The following ADAMTSL2 variants were observed in gnomAD, a reference collection of about 807,000 sequenced individuals.
The protein encoded by ADAMTSL2 is ADAMTS like 2.
In ADAMTSL2, 55 loss-of-function variants were observed where a neutral mutation model predicts 117.0. The observed-to-expected ratio is 0.47, with a 90% CI of 0.38 to 0.59. The LOEUF (loss-of-function observed/expected upper bound fraction) is 0.59. Ranked by LOEUF, ADAMTSL2 falls within the 20% of genes least tolerant of loss-of-function variation. The pLI, the probability that ADAMTSL2 is intolerant of heterozygous loss-of-function variation, is 0.00. For synonymous variants in ADAMTSL2, 572 were observed against 566.4 expected (o/e 1.01, Z -0.14); for missense variants, 1,182 against 1,354.5 (o/e 0.87, Z 2.00).
chr9:133,551,396 C>T (rs1228526996), intron 9 of ADAMTSL2, among the ~76,000 whole-genome samples: 2 of 152,108 alleles, frequency 1.3e-5, no homozygotes, highest in South Asian at 2.1e-4. Flanking sequence ...ACAGCTTTGT[C>T]GTACCCTCTG....
At chr9:133,555,292 C>T (rs931468153) in intron 10 of ADAMTSL2, among the ~76,000 whole-genome samples, 3 of 140,870 alleles carry the variant, frequency 2.1e-5, no homozygotes, top group East Asian at 2.1e-4. Context: ...TCTGAGGTTC[C>T]GGGGGGGGCC....
In ADAMTSL2 at chr9:133,540,936, G is replaced by C; in HGVS notation, c.617G>C (p.Cys206Ser). ...CACACACTGGACAAGTGTGGCATCT[G>C]CCAGGGGGACGGTAGCAGCTGCACC... ...STHTLDKCGICQGDGSSCTHV... is the reference protein window; with the variant it reads ...STHTLDKCGISQGDGSSCTHV... The change falls in exon 7 of 19, where the codon TGC (cysteine) becomes TCC (serine). Residue 206 changes from cysteine to serine, a missense_variant. Around this residue, in one of 3 missense-constraint regions of ADAMTSL2, gnomAD observed 372 missense variants for 463.4 expected, o/e 0.80. Transcript: ENST00000651351. The C allele has an allele frequency of 6.2e-7, 1 of 1,613,428 alleles. No homozygotes were observed.
chr9:133,569,594 C>A lies in ADAMTSL2; in HGVS notation c.2415+16C>A. On this transcript the variant is annotated intron_variant, in intron 16 of 18. Coordinates refer to ENST00000651351, the MANE Select transcript of ADAMTSL2 (RefSeq NM_014694.4). Reference sequence around the variant, plus strand: ...CTGGGAGCGGGTGAGTGCCCCAGAGCCCGCGGAAGGGCCTCCTGGTATCTG... The same window carrying A: ...CTGGGAGCGGGTGAGTGCCCCAGAGACCGCGGAAGGGCCTCCTGGTATCTG... 1 of 1,556,402 alleles carries A rather than the reference C, an allele frequency of 6.4e-7. No homozygotes were observed. The highest frequency in any genetic ancestry group is 1.2e-5 in the South Asian group (1 of 84,744).
At chr9:133,563,263 G>T (rs757234297) in intron 12 of ADAMTSL2, among the ~76,000 whole-genome samples, 33 of 152,234 alleles carry the variant, frequency 2.2e-4, no homozygotes, top group Non-Finnish European at 7.3e-5. Flanking sequence ...CCCAGGAGCA[G>T]CTGGCCTTGG....
At position 133,545,369 on chromosome 9, in the gene ADAMTSL2, GC is replaced by G. The variant is rs1451940213; in HGVS notation, c.763+821del. ...CCACTGCCTCCCACTCTTCTTGAGA[GC>G]CAGAACTGGTGGGGTGAAGCCCATC... On this transcript the variant is annotated intron_variant, in intron 8 of 18. Coordinates refer to ENST00000651351, the MANE Select transcript of ADAMTSL2 (RefSeq NM_014694.4). Among the ~76,000 whole-genome samples the G allele has an allele frequency of 2.0e-5, 3 of 152,340 alleles. No individual in the cohort carries two copies. The East Asian group carries it at 5.8e-4, about 29-fold the overall frequency.
chr9:133,564,375 G>A (rs865927906), intron 12 of ADAMTSL2, among the ~76,000 whole-genome samples: 65 of 10,058 alleles, frequency 6.5e-3, no homozygotes, highest in East Asian at 9.2e-3. Context: ...GGAGAGAGAG[G>A]GAGAGAGAGG....
rs1830719473 is a variant in ADAMTSL2 at position 133,561,184 on chromosome 9, G to T, written c.1650-14G>T. 6.3e-7 allele frequency: 1 copy of T among 1,594,176 alleles called. No individual in the cohort carries two copies. Among genetic ancestry groups the T allele is most frequent in the Non-Finnish European group, 8.5e-7 (1 of 1,170,322 alleles). On this transcript the variant is annotated splice_polypyrimidine_tract_variant and intron_variant, in intron 11 of 18. Coordinates refer to ENST00000651351, the MANE Select transcript of ADAMTSL2 (RefSeq NM_014694.4). ...GAGCGTCTCATCACCTTCCCTGCTT[G>T]GTCTCGCTTTCAGGACCAGGCCCAA...
At chr9:133,556,051 A>G (rs2131142487) in intron 11 of ADAMTSL2, 121 bp downstream of exon 11, 2 of 1,275,348 alleles carry the variant, frequency 1.6e-6, no homozygotes, top group South Asian at 1.5e-5. Flanking sequence ...TCCTAGAGGT[A>G]GAGGAGAGAG....
chr9:133,548,401 C>T (rs2131122482), intron 9 of ADAMTSL2, among the ~76,000 whole-genome samples: 1 of 152,318 alleles, frequency 6.6e-6, no homozygotes, highest in South Asian at 2.1e-4. Flanking sequence ...CTGCCTGGAG[C>T]TGTGTCTGGA....
chr9:133,572,759 T>G (rs1278826300), intron 17 of ADAMTSL2, among the ~76,000 whole-genome samples: 2 of 152,054 alleles, frequency 1.3e-5, no homozygotes, highest in Non-Finnish European at 2.9e-5. Context: ...GGTGGGCGCG[T>G]GGACTCCTTC....
At chr9:133,543,200 G>A (rs1018090551) in intron 7 of ADAMTSL2, among the ~76,000 whole-genome samples, 12 of 152,010 alleles carry the variant, frequency 7.9e-5, no homozygotes, top group East Asian at 1.9e-4. Flanking sequence ...TAATCTGCCC[G>A]CCTCGGCCTC....
Position 133,566,965 on chromosome 9 carries a change from C to T in ADAMTSL2, c.1777C>T (p.Arg593Cys). 2.5e-6 allele frequency: 4 copies of T among 1,610,406 alleles called. No homozygotes were observed. Among genetic ancestry groups the T allele is most frequent in the Non-Finnish European group, 3.4e-6 (4 of 1,178,906 alleles). ...GVMSAYAMCV[R>C]YDGVEVDDSY... ...CATGTCTGCGTACGCCATGTGTGTC[C>T]GCTATGATGGCGTCGAGGTGGATGA... Residue 593 changes from arginine to cysteine, a missense_variant, in exon 13 of 19, where the codon CGC becomes TGC. Around this residue, in one of 3 missense-constraint regions of ADAMTSL2, gnomAD observed 465 missense variants for 565.3 expected, o/e 0.82. Coordinates refer to ENST00000651351, the MANE Select transcript of ADAMTSL2 (RefSeq NM_014694.4).
intron 9 of ADAMTSL2, among the ~76,000 whole-genome samples, chr9:133,553,638 G>C (rs1434879709): frequency 6.6e-6 from 1 of 152,128 alleles, no homozygotes; most frequent in Non-Finnish European, 1.5e-5. Context: ...GCATTTCTAC[G>C]TGGGCCCTCG....
At chr9:133,565,839 CCACACACACACACACACA>C (rs71281253) in intron 12 of ADAMTSL2, among the ~76,000 whole-genome samples, 1 of 144,048 alleles carries the variant, frequency 6.9e-6, no homozygotes, top group South Asian at 2.3e-4. Context: ...TCTCCCGTGG[CCACACACACACACACACA>C]CACACACACA....
At chr9:133,567,558 A>C (rs1316116797) in intron 13 of ADAMTSL2, among the ~76,000 whole-genome samples, 1 of 152,142 alleles carries the variant, frequency 6.6e-6, no homozygotes, top group African/African-American at 2.4e-5. Flanking sequence ...GATGAGCCTG[A>C]GGGTGCCGGC....
chr9:133,565,638 C>T (rs1830952045), intron 12 of ADAMTSL2, among the ~76,000 whole-genome samples: 2 of 152,230 alleles, frequency 1.3e-5, no homozygotes, highest in Non-Finnish European at 2.9e-5. Context: ...ATCCCCTTGT[C>T]GGCTGCTTCC....
At chr9:133,573,467 G>A (rs1831157151) in intron 17 of ADAMTSL2, among the ~76,000 whole-genome samples, 2 of 152,172 alleles carry the variant, frequency 1.3e-5, no homozygotes, top group African/African-American at 4.8e-5. Context: ...CTGTGCATCT[G>A]GGGAGACTGA....
intron 11 of ADAMTSL2, 109 bp from the exon 12 acceptor site, chr9:133,561,089 G>A: frequency 2.2e-6 from 2 of 893,574 alleles, no homozygotes; most frequent in South Asian, 1.4e-5. Flanking sequence ...ACAGGTGTGT[G>A]CTTCAGGCGA....
At chr9:133,534,531 G>A, upstream of ADAMTSL2, 1 of 700,816 alleles carries the variant, frequency 1.4e-6, no homozygotes, top group Non-Finnish European at 2.0e-6. Flanking sequence ...CGCCGCCGCC[G>A]GCAGCAGCCA....
Sources: allele counts gnomAD v4.1 joint callset (sites outside exome capture counted in the v4.1 genomes callset), GRCh38; gene constraint gnomAD v4.1.1; regional missense constraint gnomAD v4.1.1; transcripts MANE v1.5; gene names NCBI Gene and HGNC (gene_info 2026-07-23, HGNC 2026-07-21).